GRM7: variants seen among roughly 807,000 people sequenced by gnomAD.
The protein encoded by GRM7 is glutamate metabotropic receptor 7, also known as metabotropic glutamate receptor 7.
GRM7 carries 35 observed loss-of-function variants against 84.5 expected under a neutral mutation model. That is an observed-to-expected ratio of 0.41 (90% CI 0.32 to 0.55). GRM7 has a LOEUF of 0.55. Among genes scored for constraint, GRM7 ranks in the 20% least tolerant of loss-of-function variants. The pLI is 0.19. For missense variants in GRM7, 1,003 were observed against 1,194.6 expected (o/e 0.84, Z 2.36); for synonymous variants, 487 against 455.1 (o/e 1.07, Z -0.89).
At chr3:7,736,694 T>A (rs1351757808) in intron 9 of GRM7, among the ~76,000 whole-genome samples, 1 of 152,164 alleles carries the variant, frequency 6.6e-6, no homozygotes, top group Non-Finnish European at 1.5e-5. Context: ...TTTGATTGCA[T>A]CTTATTTCCT....
intron 2 of GRM7, among the ~76,000 whole-genome samples, chr3:7,253,636 A>T (rs896187523): frequency 6.6e-6 from 1 of 150,666 alleles, no homozygotes; most frequent in African/African-American, 2.5e-5. Context: ...AAAAAAAAAA[A>T]AAATCACTAA....
intron 8 of GRM7, among the ~76,000 whole-genome samples, chr3:7,652,159 A>G (rs1170206805): frequency 6.6e-6 from 1 of 152,230 alleles, no homozygotes; most frequent in Non-Finnish European, 1.5e-5. Context: ...TTTATCCAGA[A>G]TGACTATGAA....
intron 7 of GRM7, among the ~76,000 whole-genome samples, chr3:7,573,102 G>T (rs185770101): frequency 6.6e-6 from 1 of 151,080 alleles, no homozygotes; most frequent in Non-Finnish European, 1.5e-5. Context: ...CCAAGCACTC[G>T]CTAGCTCCTC....
At chr3:7,208,739 C>T (rs183292240) in intron 2 of GRM7, among the ~76,000 whole-genome samples, 52 of 152,258 alleles carry the variant, frequency 3.4e-4, no homozygotes, top group Admixed American at 2.9e-3. Flanking sequence ...TTAACCAAAT[C>T]GTGGTATTAC....
intron 1 of GRM7, among the ~76,000 whole-genome samples, chr3:7,038,260 A>G (rs1696453699): frequency 6.6e-6 from 1 of 152,194 alleles, no homozygotes; most frequent in South Asian, 2.1e-4. Context: ...ACCTTCTTCT[A>G]CAGCTAACCA....
intron 2 of GRM7, among the ~76,000 whole-genome samples, chr3:7,154,508 C>A (rs965803586): frequency 6.6e-6 from 1 of 152,068 alleles, no homozygotes. Context: ...ATGAAAAGAT[C>A]TGAAGGTGAA....
intron 2 of GRM7, among the ~76,000 whole-genome samples, chr3:7,276,747 G>GT (rs1225695154): frequency 2.6e-5 from 1 of 38,598 alleles, no homozygotes; most frequent in Non-Finnish European, 5.8e-5. Flanking sequence ...GTTTCTTTCT[G>GT]TTTCTTTCTC....
intron 2 of GRM7, among the ~76,000 whole-genome samples, chr3:7,193,959 A>C (rs1182904295): frequency 1.3e-5 from 2 of 152,110 alleles, no homozygotes; most frequent in African/African-American, 2.4e-5. Flanking sequence ...AAGATTAAAA[A>C]TTATAATCCA....
At chr3:7,423,776 C>T (rs910116477) in intron 5 of GRM7, among the ~76,000 whole-genome samples, 7 of 151,938 alleles carry the variant, frequency 4.6e-5, no homozygotes, top group African/African-American at 1.7e-4. Flanking sequence ...TATATATCTC[C>T]AGATAAAAAC....
intron 1 of GRM7, among the ~76,000 whole-genome samples, chr3:6,937,074 A>C (rs1188778321): frequency 6.6e-6 from 1 of 152,240 alleles, no homozygotes; most frequent in East Asian, 1.9e-4. Flanking sequence ...AAGTATAAGA[A>C]GAAAGAAAGT....
intron 8 of GRM7, among the ~76,000 whole-genome samples, chr3:7,620,995 G>A (rs545974590): frequency 1.1e-4 from 16 of 152,214 alleles, no homozygotes; most frequent in African/African-American, 2.9e-4. Flanking sequence ...TTTCCAGGGT[G>A]TCGTAGTCTT....
chr3:7,431,902 G>T (rs1423887274), intron 5 of GRM7, among the ~76,000 whole-genome samples: 1 of 149,318 alleles, frequency 6.7e-6, no homozygotes, highest in African/African-American at 2.5e-5. Flanking sequence ...AACTATTAAG[G>T]TTTAAATACC....
intron 8 of GRM7, among the ~76,000 whole-genome samples, chr3:7,594,938 CTGTG>C (rs3840238): frequency 5.9e-4 from 88 of 150,062 alleles, no homozygotes; most frequent in Admixed American, 1.1e-3. Context: ...GTCTTCCTTT[CTGTG>C]TGTGTGTGTG....
chr3:7,683,088 A>G (rs1358619687), intron 9 of GRM7, among the ~76,000 whole-genome samples: 3 of 152,210 alleles, frequency 2.0e-5, no homozygotes, highest in African/African-American at 4.8e-5. Flanking sequence ...CGAAATTCCA[A>G]TGCAGGAACT....
At chr3:7,135,919 A>C (rs1195333156) in intron 1 of GRM7, among the ~76,000 whole-genome samples, 3 of 152,016 alleles carry the variant, frequency 2.0e-5, no homozygotes, top group Non-Finnish European at 2.9e-5. Context: ...ATTTCTATTA[A>C]TGTTTTCTAG....
chr3:7,235,834 G>GA (rs1697330862), intron 2 of GRM7, among the ~76,000 whole-genome samples: 1 of 152,044 alleles, frequency 6.6e-6, no homozygotes, highest in African/African-American at 2.4e-5. Context: ...AACAAGCTTT[G>GA]AAAAAAATGT....
chr3:7,451,558 G>A (rs948884689), intron 5 of GRM7, among the ~76,000 whole-genome samples: 1 of 152,146 alleles, frequency 6.6e-6, no homozygotes, highest in African/African-American at 2.4e-5. Context: ...TGAGAGGGTA[G>A]GCAGGGTCCA....
At chr3:7,276,247 GTGTATA>G (rs1559546468) in intron 2 of GRM7, among the ~76,000 whole-genome samples, 1 of 148,244 alleles carries the variant, frequency 6.7e-6, no homozygotes, top group Non-Finnish European at 1.5e-5. Context: ...GTGTGTGTGT[GTGTATA>G]TATAATTGTC....
chr3:7,676,056 A>G (rs1465129223), intron 8 of GRM7, among the ~76,000 whole-genome samples: 1 of 152,072 alleles, frequency 6.6e-6, no homozygotes, highest in Non-Finnish European at 1.5e-5. Flanking sequence ...ATCTTGGCTC[A>G]GTGCAAACTC....
Sources: allele counts gnomAD v4.1 joint callset (sites outside exome capture counted in the v4.1 genomes callset), GRCh38; gene constraint gnomAD v4.1.1; transcripts MANE v1.5; gene names NCBI Gene and HGNC (gene_info 2026-07-23, HGNC 2026-07-21).